PCDH15: variants seen among roughly 807,000 people sequenced by gnomAD.
The protein encoded by PCDH15 is protocadherin related 15.
A neutral mutation model predicts 178.5 loss-of-function variants in PCDH15; 129 were observed. That is an observed-to-expected ratio of 0.72 (90% CI 0.63 to 0.84). The LOEUF (loss-of-function observed/expected upper bound fraction) is 0.84. Ranked by LOEUF, PCDH15 falls within the 40% of genes least tolerant of loss-of-function variation. PCDH15 has a pLI of 0.00. For missense variants in PCDH15, 2,230 were observed against 2,099.9 expected (o/e 1.06, Z -1.21); for synonymous variants, 800 against 732.0 (o/e 1.09, Z -1.50).
intron 2 of PCDH15, among the ~76,000 whole-genome samples, chr10:54,989,434 G>T (rs550919057): frequency 6.6e-6 from 1 of 152,336 alleles, no homozygotes; most frequent in South Asian, 2.1e-4. Flanking sequence ...GCAGCCAGAA[G>T]GCAGGAGGCT....
intron 2 of PCDH15, among the ~76,000 whole-genome samples, chr10:55,438,459 T>G (rs917610996): frequency 1.3e-5 from 2 of 152,178 alleles, no homozygotes; most frequent in Non-Finnish European, 2.9e-5. Flanking sequence ...AGAATCTGCT[T>G]ATTAGTCTGA....
intron 1 of PCDH15, among the ~76,000 whole-genome samples, chr10:54,728,841 A>C (rs1247170701): frequency 6.6e-6 from 1 of 151,622 alleles, no homozygotes; most frequent in African/African-American, 2.4e-5. Flanking sequence ...GCAAATAAAT[A>C]AAATACCTAG....
chr10:54,111,585 G>A (rs1351599693), intron 15 of PCDH15, among the ~76,000 whole-genome samples: 1 of 152,070 alleles, frequency 6.6e-6, no homozygotes, highest in Non-Finnish European at 1.5e-5. Context: ...AAGAAGGAAT[G>A]AATAAAAGTA....
At position 54,461,345 on chromosome 10, in the gene PCDH15, A is replaced by C. The variant is rs2077154319; in HGVS notation, c.157+66467T>G. Among the ~76,000 whole-genome samples, 3 of 152,076 alleles carry C rather than the reference A, an allele frequency of 2.0e-5. 1 individual carries two copies. ...ACAGCAGATCATGTACATTTTCTTT[A>C]CTTTTTGCAAGTTGTATGTAACATT... is the stretch of plus-strand genomic sequence containing the variant. On this transcript the variant is annotated intron_variant, in intron 3 of 37. Coordinates refer to ENST00000644397, the MANE Select transcript of PCDH15 (RefSeq NM_001384140.1).
intron 1 of PCDH15, among the ~76,000 whole-genome samples, chr10:55,245,158 TA>T (rs1223233793): frequency 6.6e-6 from 1 of 152,078 alleles, no homozygotes; most frequent in African/African-American, 2.4e-5. Context: ...GTGTAAAGCA[TA>T]AAAATAGAAG....
At chr10:54,933,864 G>T (rs552542144) in intron 2 of PCDH15, among the ~76,000 whole-genome samples, 2 of 152,070 alleles carry the variant, frequency 1.3e-5, no homozygotes, top group African/African-American at 4.8e-5. Flanking sequence ...ATCCTTATCC[G>T]TAGACAATTG....
chr10:54,986,266 G>A (rs1043793201), intron 2 of PCDH15, among the ~76,000 whole-genome samples: 15 of 151,582 alleles, frequency 9.9e-5, no homozygotes, highest in Non-Finnish European at 1.5e-5. Flanking sequence ...AAATAAGTAA[G>A]GAGACAAAAA....
At chr10:53,903,837 A>C (rs2082490643) in intron 25 of PCDH15, among the ~76,000 whole-genome samples, 1 of 152,188 alleles carries the variant, frequency 6.6e-6, no homozygotes, top group Non-Finnish European at 1.5e-5. Context: ...TTGTACAATA[A>C]CTTTTATGTT....
intron 3 of PCDH15, among the ~76,000 whole-genome samples, chr10:54,516,889 G>A (rs1355117760): frequency 2.6e-5 from 4 of 152,172 alleles, no homozygotes; most frequent in Non-Finnish European, 4.4e-5. Context: ...AGCCAGAAGA[G>A]AGTGGGGGCC....
chr10:54,703,277 A>C (rs533559836), intron 1 of PCDH15, among the ~76,000 whole-genome samples: 2 of 152,222 alleles, frequency 1.3e-5, no homozygotes, highest in East Asian at 3.9e-4. Flanking sequence ...TATCATACTG[A>C]ATGAGCAAAA....
intron 2 of PCDH15, among the ~76,000 whole-genome samples, chr10:55,423,206 G>A (rs1838667412): frequency 1.3e-5 from 2 of 151,808 alleles, no homozygotes. Flanking sequence ...TTCTCTGGGG[G>A]CTAAGGGTGA....
intron 8 of PCDH15, among the ~76,000 whole-genome samples, chr10:54,296,078 G>GAGCTTGC (rs1327606550): frequency 6.9e-6 from 1 of 144,934 alleles, no homozygotes; most frequent in African/African-American, 2.6e-5. Context: ...CCGGGAGGCG[G>GAGCTTGC]AGCTTGCAGG....
At chr10:54,466,180 T>C (rs1226030673) in intron 3 of PCDH15, among the ~76,000 whole-genome samples, 2 of 151,988 alleles carry the variant, frequency 1.3e-5, no homozygotes, top group East Asian at 3.9e-4. Context: ...GTTGATTGTT[T>C]CCTTAGCTGT....
At chr10:54,404,905 C>A (rs1012558962) in intron 3 of PCDH15, among the ~76,000 whole-genome samples, 5 of 152,046 alleles carry the variant, frequency 3.3e-5, no homozygotes, top group African/African-American at 1.2e-4. Context: ...ATCTCAACAT[C>A]CCTAATCATT....
intron 21 of PCDH15, among the ~76,000 whole-genome samples, chr10:53,985,241 C>A (rs2091012635): frequency 6.6e-6 from 1 of 152,028 alleles, no homozygotes; most frequent in African/African-American, 2.4e-5. Flanking sequence ...GTATTGCTTT[C>A]TTTTTCTATT....
intron 2 of PCDH15, among the ~76,000 whole-genome samples, chr10:55,366,477 C>T (rs1020090139): frequency 5.3e-5 from 8 of 152,016 alleles, no homozygotes; most frequent in African/African-American, 1.9e-4. Context: ...TTTTTTACTT[C>T]TCTAGATTAT....
At chr10:55,327,767 T>C (rs1439928935) in intron 2 of PCDH15, among the ~76,000 whole-genome samples, 8 of 152,068 alleles carry the variant, frequency 5.3e-5, no homozygotes, top group Non-Finnish European at 1.2e-4. Flanking sequence ...CACCTAAATT[T>C]ACCTGGAAAC....
At chr10:55,586,000 T>C (rs1428238259) in intron 2 of PCDH15, among the ~76,000 whole-genome samples, 1 of 152,112 alleles carries the variant, frequency 6.6e-6, no homozygotes, top group Non-Finnish European at 1.5e-5. Flanking sequence ...CTCTCACTTA[T>C]GTGTATGAAT....
chr10:53,820,977 C>A (rs1244763698), intron 32 of PCDH15: 2 of 489,074 alleles, frequency 4.1e-6, no homozygotes, highest in Non-Finnish European at 5.3e-6. Context: ...GAAGATCATA[C>A]TTTCTTTAAA....
Sources: gnomAD v4.1 joint callset for allele counts (sites outside exome capture counted in the v4.1 genomes callset) on GRCh38, gnomAD v4.1.1 for gene constraint, MANE v1.5 for transcripts, NCBI Gene and HGNC (gene_info 2026-07-23, HGNC 2026-07-21) for gene names.